The following NTRK3 variants were observed in gnomAD, a reference collection of about 807,000 sequenced individuals.
NTRK3 encodes the protein NT-3 growth factor receptor.
In NTRK3, 24 loss-of-function variants were observed where a neutral mutation model predicts 91.7. That is an observed-to-expected ratio of 0.26 (90% confidence interval 0.19 to 0.37). NTRK3 has a LOEUF of 0.37. NTRK3 is among the 10% of genes least tolerant of loss of function. The pLI is 1.00. For missense variants in NTRK3, 880 were observed against 1,068.9 expected, an observed-to-expected ratio of 0.82 and a Z score of 2.46; for synonymous variants, 483 against 404.0, an observed-to-expected ratio of 1.20 and a Z score of -2.34.
At chr15:87,969,020 C>G (rs1490069837) in intron 14 of NTRK3, among the ~76,000 whole-genome samples, 1 of 152,110 alleles carries the variant, frequency 6.6e-6, no homozygotes, top group Non-Finnish European at 1.5e-5. Flanking sequence ...AACATAGATG[C>G]TATCCCCCCA....
chr15:88,042,938 T>C (rs1271382745), intron 13 of NTRK3, among the ~76,000 whole-genome samples: 1 of 152,242 alleles, frequency 6.6e-6, no homozygotes, highest in African/African-American at 2.4e-5. Flanking sequence ...CCCTCCAGTA[T>C]TGTTTTTCTA....
In NTRK3 at chr15:88,056,392, A is replaced by C. The variant is rs368345405; in HGVS notation, c.1397-23347T>G. On this transcript the variant is annotated intron_variant, in intron 13 of 18. Coordinates refer to ENST00000394480, the Ensembl canonical transcript of NTRK3. ...TGAAGGGAGATGATAAAATTTCTCT[A>C]TTTTTTTGTTCATGGTCCAAATGTA... 3.0e-4 allele frequency among the ~76,000 whole-genome samples: 45 copies of C among 151,978 alleles called. 1 individual carries two copies. In the South Asian group the frequency reaches 3.7e-3, roughly 13 times the overall value.
At chr15:87,876,936 T>G in exon 19 of NTRK3, 3 of 1,613,920 alleles carry the variant, frequency 1.9e-6, no homozygotes, top group Non-Finnish European at 2.5e-6. Context: ...CAGCCACCAC[T>G]AGCCAAGAAT....
At chr15:87,929,094 G>C (rs921934076) in intron 17 of NTRK3, 97 bp downstream of exon 17, 56 of 1,582,176 alleles carry the variant, frequency 3.5e-5, no homozygotes, top group Admixed American at 1.5e-4. Flanking sequence ...GTGTATATGT[G>C]TGTGCCAGAG....
intron 5 of NTRK3, among the ~76,000 whole-genome samples, chr15:88,153,401 C>A (rs2043580165): frequency 6.6e-6 from 1 of 152,050 alleles, no homozygotes; most frequent in African/African-American, 2.4e-5. Context: ...TGCCACCACT[C>A]CCAGCTAATT....
chr15:87,980,734 A>T (rs1307917659), intron 14 of NTRK3, among the ~76,000 whole-genome samples: 1 of 152,168 alleles, frequency 6.6e-6, no homozygotes, highest in Non-Finnish European at 1.5e-5. Context: ...ACAAAACAGT[A>T]TTGAGTCATT....
At chr15:88,142,464 C>T (rs1006358298) in intron 6 of NTRK3, among the ~76,000 whole-genome samples, 3 of 152,244 alleles carry the variant, frequency 2.0e-5, no homozygotes, top group Non-Finnish European at 2.9e-5. Flanking sequence ...ACAGCCAAGG[C>T]CACCACTGGA....
At chr15:88,136,172 A>G (rs922161150) in intron 8 of NTRK3, 132 bp from the exon 9 acceptor site, 19 of 1,184,166 alleles carry the variant, frequency 1.6e-5, no homozygotes, top group African/African-American at 3.0e-5. Flanking sequence ...GTGTGAAAGC[A>G]CACTGGCCAA....
chr15:88,136,940 G>A (rs1201869448), intron 7 of NTRK3, among the ~76,000 whole-genome samples: 6 of 152,188 alleles, frequency 3.9e-5, no homozygotes, highest in Non-Finnish European at 7.3e-5. Context: ...GAATAGTAGT[G>A]TTTCAGTCTC....
chr15:88,232,540 A>G (rs2051301026), intron 3 of NTRK3, among the ~76,000 whole-genome samples: 1 of 152,202 alleles, frequency 6.6e-6, no homozygotes, highest in Non-Finnish European at 1.5e-5. Context: ...AGTTTTGGTA[A>G]ATGTGGCTGT....
chr15:88,170,885 C>A (rs1049595342), intron 5 of NTRK3, among the ~76,000 whole-genome samples: 1 of 152,182 alleles, frequency 6.6e-6, no homozygotes, highest in African/African-American at 2.4e-5. Flanking sequence ...TCCCATCTAG[C>A]CAGGTCACCC....
chr15:88,120,314 T>C (rs975614951), intron 13 of NTRK3, among the ~76,000 whole-genome samples: 1 of 152,198 alleles, frequency 6.6e-6, no homozygotes, highest in Non-Finnish European at 1.5e-5. Flanking sequence ...AAAAAAATGT[T>C]AATAACCCCC....
intron 5 of NTRK3, among the ~76,000 whole-genome samples, chr15:88,153,499 C>T (rs2043592612): frequency 6.6e-6 from 1 of 152,186 alleles, no homozygotes; most frequent in Non-Finnish European, 1.5e-5. Context: ...AGGTGATCCA[C>T]CTGCCTCGGC....
At chr15:87,949,204 G>A (rs2070858144) in intron 14 of NTRK3, among the ~76,000 whole-genome samples, 1 of 152,078 alleles carries the variant, frequency 6.6e-6, no homozygotes, top group South Asian at 2.1e-4. Flanking sequence ...AGTGAGAATG[G>A]GAAAAGAGCC....
chr15:87,859,869 G>A (rs2064473654), exon 19 of NTRK3: 1 of 181,752 alleles, frequency 5.5e-6, no homozygotes, highest in Non-Finnish European at 1.2e-5. Flanking sequence ...TTGAAGATAT[G>A]ATACTATGAG....
intron 3 of NTRK3, among the ~76,000 whole-genome samples, chr15:88,248,914 A>C (rs149082547): frequency 6.6e-6 from 1 of 152,190 alleles, no homozygotes; most frequent in Non-Finnish European, 1.5e-5. Flanking sequence ...CTGAACTTCA[A>C]CAGGGTGCTT....
intron 14 of NTRK3, among the ~76,000 whole-genome samples, chr15:88,008,491 A>G (rs1440775366): frequency 6.6e-6 from 1 of 152,056 alleles, no homozygotes; most frequent in Non-Finnish European, 1.5e-5. Context: ...ACAGTGGTCC[A>G]AGAACCCTAG....
intron 13 of NTRK3, among the ~76,000 whole-genome samples, chr15:88,119,036 T>C (rs1018027384): frequency 6.6e-6 from 1 of 152,218 alleles, no homozygotes; most frequent in African/African-American, 2.4e-5. Flanking sequence ...CATCAGCCTC[T>C]ATTTCAAGGG....
At chr15:88,035,703 C>T (rs1037780170) in intron 13 of NTRK3, among the ~76,000 whole-genome samples, 2 of 152,076 alleles carry the variant, frequency 1.3e-5, no homozygotes, top group African/African-American at 4.8e-5. Flanking sequence ...CATGGGAGAG[C>T]ACAAGACAAG....
Sources: allele counts gnomAD v4.1 joint callset (sites outside exome capture counted in the v4.1 genomes callset), GRCh38; gene constraint gnomAD v4.1.1; transcripts MANE v1.5; gene names NCBI Gene and HGNC (gene_info 2026-07-23, HGNC 2026-07-21).